Variants in TSHZ3 observed in about 807,000 individuals in gnomAD.
TSHZ3 encodes the protein teashirt homolog 3.
TSHZ3 carries 10 observed loss-of-function variants against 64.5 expected under a neutral mutation model. That is an observed-to-expected ratio of 0.16 (90% CI 0.10 to 0.26). TSHZ3 has a LOEUF of 0.26. Among genes scored for constraint, TSHZ3 ranks in the 10% least tolerant of loss-of-function variants. The probability of loss-of-function intolerance (pLI) is 1.00; values close to 1 mark genes in which losing one functional copy is unlikely to be tolerated. For synonymous variants in TSHZ3, 608 were observed against 593.1 expected, an observed-to-expected ratio of 1.03 and a Z score of -0.36; for missense variants, 1,242 against 1,421.7, an observed-to-expected ratio of 0.87 and a Z score of 2.03.
chr19:31,322,705 C>T (rs1916807460), intron 1 of TSHZ3, among the ~76,000 whole-genome samples: 1 of 152,200 alleles, frequency 6.6e-6, no homozygotes, highest in Non-Finnish European at 1.5e-5. Context: ...CAGGCATGGG[C>T]CACCATCCCC....
intron 1 of TSHZ3, among the ~76,000 whole-genome samples, chr19:31,309,585 A>C (rs1916397714): frequency 6.6e-6 from 1 of 152,348 alleles, no homozygotes; most frequent in Admixed American, 6.5e-5. Context: ...ACAGGGGTCA[A>C]GAAAGGCCTG....
intron 1 of TSHZ3, among the ~76,000 whole-genome samples, chr19:31,333,647 C>T (rs1423702838): frequency 6.6e-6 from 1 of 151,994 alleles, no homozygotes; most frequent in Admixed American, 6.6e-5. Flanking sequence ...CCAACCTGAG[C>T]TCTTGGGCCC....
intron 1 of TSHZ3, among the ~76,000 whole-genome samples, chr19:31,324,687 T>A (rs759054891): frequency 6.6e-6 from 1 of 152,228 alleles, no homozygotes; most frequent in African/African-American, 2.4e-5. Context: ...CTGTCTCCAC[T>A]ACCATTGCTT....
chr19:31,338,343 G>A (rs1917315669), intron 1 of TSHZ3, among the ~76,000 whole-genome samples: 1 of 152,196 alleles, frequency 6.6e-6, no homozygotes, highest in South Asian at 2.1e-4. Flanking sequence ...ATCAGGCCTG[G>A]TGGGGGTCTG....
At chr19:31,317,113 TC>T (rs1308092395) in intron 1 of TSHZ3, among the ~76,000 whole-genome samples, 1 of 152,142 alleles carries the variant, frequency 6.6e-6, no homozygotes, top group East Asian at 1.9e-4. Flanking sequence ...GACAAAATTC[TC>T]TTCTCCAGGA....
intron 1 of TSHZ3, among the ~76,000 whole-genome samples, chr19:31,329,866 A>G (rs1176951438): frequency 2.0e-5 from 3 of 152,216 alleles, no homozygotes; most frequent in Admixed American, 6.5e-5. Flanking sequence ...GCGTTGGGTC[A>G]ACTAAGAGCA....
intron 1 of TSHZ3, among the ~76,000 whole-genome samples, chr19:31,299,778 G>A (rs1002122322): frequency 2.6e-5 from 4 of 152,134 alleles, no homozygotes; most frequent in Non-Finnish European, 4.4e-5. Context: ...GTCTCTCACT[G>A]ACTGGGTCCG....
chr19:31,330,955 A>C (rs1917072587), intron 1 of TSHZ3, among the ~76,000 whole-genome samples: 1 of 152,174 alleles, frequency 6.6e-6, no homozygotes. Flanking sequence ...CCATGGTGGC[A>C]GAAGGACAAT....
At chr19:31,152,479 T>C (rs571696045) in intron 6 of TSHZ3, among the ~76,000 whole-genome samples, 9 of 152,214 alleles carry the variant, frequency 5.9e-5, no homozygotes, top group African/African-American at 2.2e-4. Context: ...AAATAAATAC[T>C]GTAAGTGGAA....
chr19:31,287,525 G>C (rs1023954501), intron 1 of TSHZ3, among the ~76,000 whole-genome samples: 1 of 151,946 alleles, frequency 6.6e-6, no homozygotes, highest in Non-Finnish European at 1.5e-5. Context: ...GGGCCATCAA[G>C]TCATCCAGGG....
intron 5 of TSHZ3, among the ~76,000 whole-genome samples, chr19:31,159,592 A>G (rs774863432): frequency 2.6e-5 from 4 of 152,248 alleles, no homozygotes; most frequent in Non-Finnish European, 5.9e-5. Context: ...TCTATTGGGC[A>G]TCACTGCTTC....
chr19:31,205,362 T>C (rs1441730699), intron 4 of TSHZ3, among the ~76,000 whole-genome samples: 1 of 152,238 alleles, frequency 6.6e-6, no homozygotes, highest in African/African-American at 2.4e-5. Flanking sequence ...GCCCCTTTTT[T>C]ATTCCATTAT....
intron 4 of TSHZ3, among the ~76,000 whole-genome samples, chr19:31,215,695 A>T (rs1599587786): frequency 6.6e-6 from 1 of 152,102 alleles, no homozygotes; most frequent in African/African-American, 2.4e-5. Context: ...ACATGGTGAA[A>T]CCCTGCCTCT....
Position 31,277,282 on chromosome 19 carries a change from CGA to C in TSHZ3, c.2509_2510del (p.Ser837AlafsTer36). On this transcript the variant is annotated frameshift_variant, in exon 2 of 2. Coordinates refer to ENST00000240587, the MANE Select transcript of TSHZ3 (RefSeq NM_020856.4). LOFTEE classifies it high-confidence loss of function. This position sits in a 1 kb window ranked among gnomAD's most constrained non-coding sequence, Gnocchi z 4.5. Reference sequence around the variant, plus strand: ...CTGACAAGGCATTCTCGCGTAGCGGCGAGTTTGACATGAATGATACGACGGCA... The same window carrying C: ...CTGACAAGGCATTCTCGCGTAGCGGCGTTTGACATGAATGATACGACGGCA... ...TSAVVSFMSN[S>X]PLRENALSDI... is the part of the protein sequence containing the mutation. 1 of 1,613,932 alleles carries C rather than the reference CGA, an allele frequency of 6.2e-7. No homozygotes were observed. The highest frequency in any genetic ancestry group is 1.3e-5 in the African/African-American group (1 of 75,042).
chr19:31,178,495 C>T (rs1233616691), intron 5 of TSHZ3, among the ~76,000 whole-genome samples: 1 of 152,188 alleles, frequency 6.6e-6, no homozygotes, highest in Non-Finnish European at 1.5e-5. Context: ...GCTTGGCCAA[C>T]ACGTTGAAAC....
At chr19:31,322,549 T>C (rs1245702521) in intron 1 of TSHZ3, among the ~76,000 whole-genome samples, 3 of 152,204 alleles carry the variant, frequency 2.0e-5, no homozygotes, top group African/African-American at 7.2e-5. Context: ...GCCTCCCAAG[T>C]AGCTGAAACT....
chr19:31,332,384 G>A (rs146128182), intron 1 of TSHZ3, among the ~76,000 whole-genome samples: 91 of 152,262 alleles, frequency 6.0e-4, no homozygotes, highest in African/African-American at 2.1e-3. Context: ...AGGGAACCAC[G>A]GAGCTGGTGG....
At chr19:31,180,251 G>A (rs139148909) in intron 5 of TSHZ3, among the ~76,000 whole-genome samples, 14 of 152,150 alleles carry the variant, frequency 9.2e-5, no homozygotes, top group Admixed American at 6.5e-4. Flanking sequence ...ATGAATGAAC[G>A]AATGAATGAA....
At chr19:31,226,791 C>A (rs1325945431) in intron 4 of TSHZ3, among the ~76,000 whole-genome samples, 1 of 152,034 alleles carries the variant, frequency 6.6e-6, no homozygotes, top group Non-Finnish European at 1.5e-5. Context: ...GTAGTCACAG[C>A]ACCCCTTTCA....
Sources: gnomAD v4.1 joint callset for allele counts (sites outside exome capture counted in the v4.1 genomes callset) on GRCh38, gnomAD v4.1.1 for gene constraint, Gnocchi (gnomAD v3.1) non-coding constraint, MANE v1.5 for transcripts, NCBI Gene and HGNC (gene_info 2026-07-23, HGNC 2026-07-21) for gene names.